HNRNPA2B1: variants seen among roughly 807,000 people sequenced by gnomAD.
HNRNPA2B1 encodes the protein heterogeneous nuclear ribonucleoproteins A2/B1.
In HNRNPA2B1, 3 loss-of-function variants were observed where a neutral mutation model predicts 46.3. The ratio of observed to expected loss-of-function variants is 0.06; its 90% CI spans 0.03 to 0.17. The LOEUF is 0.17. HNRNPA2B1 is among the 10% of genes least tolerant of loss of function. The pLI, the probability that HNRNPA2B1 is intolerant of heterozygous loss-of-function variation, is 1.00. For synonymous variants in HNRNPA2B1, 225 were observed against 133.8 expected, an observed-to-expected ratio of 1.68 and a Z score of -4.70; for missense variants, 221 against 418.9, an observed-to-expected ratio of 0.53 and a Z score of 4.12.
intron 1 of HNRNPA2B1, chr7:26,200,369 G>A: frequency 1.6e-6 from 1 of 638,886 alleles, no homozygotes; most frequent in Non-Finnish European, 2.8e-6. Flanking sequence ...AAGGGAAATG[G>A]CGCCGGGAGG....
rs1247237513 is a variant in HNRNPA2B1 at position 26,193,461 on chromosome 7, CACTT to C, written c.842-92_842-89del. On this transcript the variant is annotated intron_variant, in intron 8 of 10. Transcript: ENST00000618183. ...TCCCATAAAAACAAATAAAAGCAAACACTTATCCACAAATTTTATGGGCATCTAG... is the reference window on the plus strand; with the variant it reads ...TCCCATAAAAACAAATAAAAGCAAACATCCACAAATTTTATGGGCATCTAG... 4.0e-5 allele frequency: 61 copies of C among 1,526,926 alleles called. No homozygotes were observed. The Admixed American group carries it at 1.1e-3, about 28-fold the overall frequency. 94.6% of individuals were successfully genotyped at this position (1,526,926 alleles called of 1,614,324 possible).
chr7:26,193,117 TTTA>T (rs1783101150), intron 9 of HNRNPA2B1, 131 bp downstream of exon 9: 1 of 848,720 alleles, frequency 1.2e-6, no homozygotes, highest in African/African-American at 1.7e-5. Flanking sequence ...GCAAAATTTC[TTTA>T]TTTTCACTAA....
chr7:26,198,818 T>G (rs901751489), intron 1 of HNRNPA2B1: 3 of 152,206 alleles, frequency 2.0e-5, no homozygotes, highest in Non-Finnish European at 2.9e-5. Flanking sequence ...TTCAATCAAT[T>G]ATTTTTTGTT....
rs1782965820 is a variant in HNRNPA2B1 at position 26,192,015 on chromosome 7, G to A, written c.*345C>T. On this transcript the variant is annotated 3_prime_UTR_variant, in exon 11 of 11. Transcript: ENST00000618183. ...TTAAAAAAGGTTTCACATGTCACCT[G>A]AAACTTACAAATTTAACATTATCAA... is the stretch of plus-strand genomic sequence containing the variant. 1 of 152,770 alleles carries A rather than the reference G, an allele frequency of 6.5e-6. No individual in the cohort carries two copies. The highest frequency in any genetic ancestry group is 6.5e-5 in the Admixed American group (1 of 15,280). 9.5% of individuals were successfully genotyped at this position (152,770 alleles called of 1,614,324 possible).
chr7:26,191,315 A>C lies in HNRNPA2B1; in HGVS notation c.*1045T>G, dbSNP rs1456958526. 1 of 152,232 alleles carries C rather than the reference A, an allele frequency of 6.6e-6. No individual in the cohort carries two copies. Among genetic ancestry groups the C allele is most frequent in the Non-Finnish European group, 1.5e-5 (1 of 68,022 alleles). 9.4% of individuals were successfully genotyped at this position (152,232 alleles called of 1,614,324 possible). A position where few individuals can be genotyped will look rare whatever the true frequency, so the allele number is the denominator to read the frequency against. ...TTATAAATTGTTAAACTCAATTTAT[A>C]GCTATGTTAAACTACGTAAGAACCA... On this transcript the variant is annotated 3_prime_UTR_variant, in exon 11 of 11. Transcript: ENST00000618183.
intron 7 of HNRNPA2B1, chr7:26,195,617 G>A (rs1289290381): frequency 5.8e-6 from 3 of 514,368 alleles, no homozygotes; most frequent in Non-Finnish European, 1.0e-5. Context: ...GAGAAAAGAT[G>A]AGATACTCTG....
intron 1 of HNRNPA2B1, chr7:26,198,152 A>G (rs1487024048): frequency 3.5e-6 from 1 of 286,076 alleles, no homozygotes; most frequent in Non-Finnish European, 6.3e-6. Context: ...ATTTTTAAAC[A>G]TCAGAAAATA....
rs777670557 is a variant in HNRNPA2B1 at position 26,197,026 on chromosome 7, G to A, written c.265-9C>T. ...CCTGGTTTTCCAGATTCCTAAAATAGTGGTGGGGTAAAAGTCATCCAAACA... is the reference window on the plus strand; with the variant it reads ...CCTGGTTTTCCAGATTCCTAAAATAATGGTGGGGTAAAAGTCATCCAAACA... On this transcript the variant is annotated splice_polypyrimidine_tract_variant and intron_variant, in intron 3 of 10. Coordinates refer to ENST00000618183, the MANE Select transcript of HNRNPA2B1 (RefSeq NM_002137.4). 6.2e-6 allele frequency: 10 copies of A among 1,602,638 alleles called. No homozygotes were observed. The Admixed American group carries it at 1.2e-4, about 19-fold the overall frequency.
At position 26,192,503 on chromosome 7, in the gene HNRNPA2B1, A is replaced by C; in HGVS notation, c.*13T>G. On this transcript the variant is annotated 3_prime_UTR_variant, in exon 10 of 11. Coordinates refer to ENST00000618183, the MANE Select transcript of HNRNPA2B1 (RefSeq NM_002137.4). ...ACTCAAAAGCTACTTACCCATGGCA[A>C]ATAGGAAGAAGCTCAGTATCGGCTC... 1.9e-6 allele frequency: 3 copies of C among 1,609,964 alleles called. No individual in the cohort carries two copies. Among genetic ancestry groups the C allele is most frequent in the Non-Finnish European group, 2.6e-6 (3 of 1,176,184 alleles).
At chr7:26,194,291 G>C (rs1401299260) in intron 7 of HNRNPA2B1, among the ~76,000 whole-genome samples, 1 of 152,218 alleles carries the variant, frequency 6.6e-6, no homozygotes, top group South Asian at 2.1e-4. Context: ...AGCTACTCTG[G>C]AGGCTGAGGC....
At position 26,196,670 on chromosome 7, in the gene HNRNPA2B1, A is replaced by G; in HGVS notation, c.476-12T>C. The G allele has an allele frequency of 6.2e-7, 1 of 1,602,866 alleles. No individual in the cohort carries two copies. Among genetic ancestry groups the G allele is most frequent in the Non-Finnish European group, 8.5e-7 (1 of 1,171,522 alleles). On this transcript the variant is annotated splice_polypyrimidine_tract_variant and intron_variant, in intron 4 of 10. Coordinates refer to ENST00000618183, the MANE Select transcript of HNRNPA2B1 (RefSeq NM_002137.4). ...ATGGTATTTCTGCACTGGAATGAAA[A>G]ATTCAGACTCCTTTTAAATTAAATC...
In HNRNPA2B1 at chr7:26,197,469, A is replaced by G. The variant is rs766450455; in HGVS notation, c.118-8T>C. On this transcript the variant is annotated splice_polypyrimidine_tract_variant and splice_region_variant and intron_variant, in intron 2 of 10. Coordinates refer to ENST00000618183, the MANE Select transcript of HNRNPA2B1 (RefSeq NM_002137.4). ...TGCAGGATCCCTCATTACCTTTCAA[A>G]CCAAAGGGTAAACTTTAGCATTTAA... The G allele has an allele frequency of 3.7e-6, 6 of 1,612,734 alleles. No individual in the cohort carries two copies.
At chr7:26,195,497 T>A (rs956570579) in intron 7 of HNRNPA2B1, among the ~76,000 whole-genome samples, 3 of 152,196 alleles carry the variant, frequency 2.0e-5, no homozygotes, top group African/African-American at 4.8e-5. Context: ...ATATTTCATA[T>A]TTTTTCCTAC....
At chr7:26,196,736 G>T (rs187402056) in intron 4 of HNRNPA2B1, 71 bp downstream of exon 4, 96 of 1,560,896 alleles carry the variant, frequency 6.2e-5, no homozygotes, top group Non-Finnish European at 8.0e-5. Flanking sequence ...TTTCAATAAA[G>T]TTACAGATGT....
At chr7:26,199,914 G>A (rs1201327620) in intron 1 of HNRNPA2B1, 1 of 152,170 alleles carries the variant, frequency 6.6e-6, no homozygotes, top group African/African-American at 2.4e-5. Flanking sequence ...CGAACGCAAT[G>A]GCGCCATTTC....
intron 9 of HNRNPA2B1, 38 bp downstream of exon 9, chr7:26,193,213 T>C (rs755805925): frequency 2.4e-5 from 38 of 1,593,690 alleles, no homozygotes; most frequent in Admixed American, 8.8e-5. Flanking sequence ...AATCCTTTAA[T>C]CACAAAAATC....
At chr7:26,193,827 A>G (rs1447784656) in intron 7 of HNRNPA2B1, 133 bp from the exon 8 acceptor site, 12 of 784,850 alleles carry the variant, frequency 1.5e-5, no homozygotes, top group African/African-American at 5.4e-5. Context: ...AATAGCTTCA[A>G]GGACTGAATA....
Position 26,195,233 on chromosome 7 carries a change from T to A in HNRNPA2B1, c.721+614A>T, listed in dbSNP as rs3801893. ...AAGTAGAACAGTGAGATACACTATT[T>A]AGTCATGCCTATTGAGTGGCAACAC... On this transcript the variant is annotated intron_variant, in intron 7 of 10. Transcript: ENST00000618183. Among the ~76,000 whole-genome samples the A allele has an allele frequency of 2.5e-3, 378 of 152,188 alleles. 1 individual carries two copies. The highest frequency in any genetic ancestry group is 8.5e-3 in the African/African-American group (351 of 41,502).
At chr7:26,193,402 A>C in intron 8 of HNRNPA2B1, 29 bp from the exon 9 acceptor site, 1 of 1,601,414 alleles carries the variant, frequency 6.2e-7, no homozygotes, top group Non-Finnish European at 8.5e-7. Context: ...ACTCAGAACA[A>C]TACAAACATT....
Sources: allele counts gnomAD v4.1 joint callset (sites outside exome capture counted in the v4.1 genomes callset), GRCh38; gene constraint gnomAD v4.1.1; transcripts MANE v1.5; gene names NCBI Gene and HGNC (gene_info 2026-07-23, HGNC 2026-07-21).